The following PLXNB2 variants were observed in gnomAD, a reference collection of about 807,000 sequenced individuals.
PLXNB2 encodes the protein plexin B2, also known as plexin-B2.
A neutral mutation model predicts 202.6 loss-of-function variants in PLXNB2; 85 were observed. The ratio of observed to expected loss-of-function variants is 0.42; its 90% confidence interval spans 0.35 to 0.50. PLXNB2 has a LOEUF of 0.50. PLXNB2 is among the 20% of genes least tolerant of loss of function. The pLI is 0.02. For missense variants in PLXNB2, 2,063 were observed against 2,586.2 expected (o/e 0.80, Z 4.39); for synonymous variants, 1,239 against 1,137.6 (o/e 1.09, Z -1.79).
chr22:50,281,766 G>T, intron 20 of PLXNB2, 24 bp from the exon 21 acceptor site: 3 of 1,563,638 alleles, frequency 1.9e-6, no homozygotes. Context: ...AGTGGTCGGG[G>T]TGAGGAGGAG....
chr22:50,298,639 G>A (rs922411225), intron 1 of PLXNB2, among the ~76,000 whole-genome samples: 2 of 152,178 alleles, frequency 1.3e-5, no homozygotes, highest in South Asian at 4.2e-4. Flanking sequence ...CAAGCAAACA[G>A]ACTGGGCCAT....
At position 50,289,035 on chromosome 22, in the gene PLXNB2, G is replaced by A. The variant is rs779921319; in HGVS notation, c.1176C>T (p.Leu392=). 4 of 1,610,076 alleles carry A rather than the reference G, an allele frequency of 2.5e-6. No individual in the cohort carries two copies. The highest frequency in any genetic ancestry group is 1.7e-4 in the Middle Eastern group (1 of 6,054). Residue 392 remains leucine (L), a synonymous_variant, in exon 4 of 37, where the codon CTC becomes CTT. Coordinates refer to ENST00000359337, the MANE Select transcript of PLXNB2 (RefSeq NM_012401.4). The surrounding 1 kb of genome is among the most constrained non-coding windows in gnomAD (Gnocchi z 8.0). ...TAVLQRGGLN[L]TAVTVAAENN... is the part of the protein sequence containing the mutation. The stretch of plus-strand genomic sequence containing the variant: ...TCTCGGCGGCGACCGTCACGGCCGT[G>A]AGGTTCAGGCCTCCACGCTGCAGCA...
intron 1 of PLXNB2, among the ~76,000 whole-genome samples, chr22:50,298,354 C>G (rs527899571): frequency 6.6e-6 from 1 of 152,178 alleles, no homozygotes; most frequent in African/African-American, 2.4e-5. Flanking sequence ...GTGGCCCTCT[C>G]CTGAGGTCCC....
intron 20 of PLXNB2, 32 bp from the exon 21 acceptor site, chr22:50,281,774 G>A: frequency 6.4e-7 from 1 of 1,565,728 alleles, no homozygotes; most frequent in Non-Finnish European, 8.7e-7. Flanking sequence ...GGGTGAGGAG[G>A]AGGGAACCAG....
At chr22:50,287,858 G>A (rs928506623) in intron 6 of PLXNB2, 65 bp from the exon 7 acceptor site, 18 of 1,594,524 alleles carry the variant, frequency 1.1e-5, no homozygotes, top group Non-Finnish European at 1.4e-5. Context: ...AGGACAGTGC[G>A]ATGTGCCCCC....
chr22:50,286,385 A>T, intron 8 of PLXNB2, 98 bp from the exon 9 acceptor site: 1 of 796,036 alleles, frequency 1.3e-6, no homozygotes, highest in South Asian at 1.5e-5. Flanking sequence ...CAAGGTGGAG[A>T]CCCCTGGTCT....
intron 36 of PLXNB2, 32 bp from the exon 37 acceptor site, chr22:50,275,840 G>A: frequency 1.2e-6 from 2 of 1,607,902 alleles, no homozygotes; most frequent in Non-Finnish European, 8.5e-7. Context: ...GCACACCGGG[G>A]GACCGCCCAG....
rs769297506 is a variant in PLXNB2, at chr22:50,275,642, C to T, written c.*62G>A. ...TCAGCCACAGCCACTCGGCCTCCTC[C>T]CCTGAGGGGCTCTCAGGTACCTCAG... On this transcript the variant is annotated 3_prime_UTR_variant, in exon 37 of 37. Transcript: ENST00000359337. The T allele has an allele frequency of 1.9e-5, 23 of 1,211,332 alleles. No homozygotes were observed. Among genetic ancestry groups the T allele is most frequent in the South Asian group, 8.4e-5 (6 of 71,668 alleles). The allele number at this position is 1,211,332 out of a possible 1,614,324, so 75.0% of individuals were successfully genotyped here. A position where few individuals can be genotyped will look rare whatever the true frequency, so the allele number is the denominator to read the frequency against.
At chr22:50,304,192 C>T (rs142277680) in intron 1 of PLXNB2, among the ~76,000 whole-genome samples, 181 of 152,312 alleles carry the variant, frequency 1.2e-3, no homozygotes, top group Non-Finnish European at 2.2e-3. Context: ...CAGACATCCC[C>T]GGGGGTGGGG....
At position 50,282,699 on chromosome 22, in the gene PLXNB2, C is replaced by T. The variant is rs775826991; in HGVS notation, c.2987+12G>A. 2 of 1,508,818 alleles carry T rather than the reference C, an allele frequency of 1.3e-6. No individual in the cohort carries two copies. Among genetic ancestry groups the T allele is most frequent in the South Asian group, 2.4e-5 (2 of 84,812 alleles). 93.5% of individuals were successfully genotyped at this position (1,508,818 alleles called of 1,614,324 possible). On this transcript the variant is annotated intron_variant, in intron 18 of 36. Transcript: ENST00000359337. ...TGGGGAGCAGAGGGGGGCGGGGGGA[C>T]ACCAGCCTCACCTGGCAAAGCTTCG...
In PLXNB2 at chr22:50,281,990, G is replaced by A. The variant is rs1375773688; in HGVS notation, c.3209C>T (p.Thr1070Met). Reference sequence around the variant, plus strand: ...GTGCCCGTCCATCTCGATCAGCACCGTGAGGTTGTAGGCCTCTGGCTCCTC... The same window carrying A: ...GTGCCCGTCCATCTCGATCAGCACCATGAGGTTGTAGGCCTCTGGCTCCTC... ...VPEEPEAYNLTVLIEMDGHRA... is the reference protein window; with the variant it reads ...VPEEPEAYNLMVLIEMDGHRA... The change falls in exon 20 of 37, where the codon ACG (threonine) becomes ATG (methionine). Residue 1070 changes from threonine (T) to methionine (M), a missense_variant. By Grantham distance (81) the Thr-to-Met change is moderately conservative (BLOSUM62 -1). Transcript: ENST00000359337. The A allele has an allele frequency of 1.2e-5, 20 of 1,612,932 alleles. No individual in the cohort carries two copies. The highest frequency in any genetic ancestry group is 1.7e-5 in the Non-Finnish European group (20 of 1,179,934).
rs1350059142 is a variant in PLXNB2, at chr22:50,275,448, A to C, written c.*256T>G. 4 of 618,716 alleles carry C rather than the reference A, an allele frequency of 6.5e-6. No homozygotes were observed. Among genetic ancestry groups the C allele is most frequent in the Non-Finnish European group, 9.1e-6 (3 of 331,140 alleles). The allele number at this position is 618,716 out of a possible 1,614,324, so 38.3% of individuals were successfully genotyped here. ...ATTTTCAAATCACTGGAGACTCGAC[A>C]GTGAACACCCGATGCTGGTTCTGCG... On this transcript the variant is annotated 3_prime_UTR_variant, in exon 37 of 37. Transcript: ENST00000359337.
rs1264811027 is a variant in PLXNB2 at position 50,286,269 on chromosome 22, A to C, written c.1781T>G (p.Ile594Ser). Residue 594 changes from isoleucine (I) to serine (S), a missense_variant, in exon 9 of 37, where the codon ATC becomes AGC. By Grantham distance (142) the Ile-to-Ser change is moderately radical (BLOSUM62 -2). Coordinates refer to ENST00000359337, the MANE Select transcript of PLXNB2 (RefSeq NM_012401.4). ...PPGQDHVAVT[I>S]QLLLRRGNIF... ...GTTGCCTCGTCTAAGGAGGAGCTGGATGGTCACGGCCACGTGGTCTGCAGA... is the reference window on the plus strand; with the variant it reads ...GTTGCCTCGTCTAAGGAGGAGCTGGCTGGTCACGGCCACGTGGTCTGCAGA... 5.6e-6 allele frequency: 9 copies of C among 1,612,872 alleles called. No individual in the cohort carries two copies. Among genetic ancestry groups the C allele is most frequent in the Non-Finnish European group, 7.6e-6 (9 of 1,179,662 alleles).
chr22:50,286,058 C>T lies in PLXNB2; in HGVS notation c.1918G>A (p.Asp640Asn). ...TCCCGGCACTCGTGGTAGCGCAGGT[C>T]CCACTGGCAGGTCCAGCGGTTGCTC... Reference protein sequence around the residue: ...CVSNRWTCQWDLRYHECREAS... With the variant: ...CVSNRWTCQWNLRYHECREAS... Residue 640 changes from aspartate to asparagine, a missense_variant, in exon 10 of 37, where the codon GAC (aspartate) becomes AAC (asparagine). Around this residue, in one of 2 missense-constraint regions of PLXNB2, gnomAD observed 1,303 missense variants for 1,476.8 expected, o/e 0.88. Transcript: ENST00000359337. 6.2e-7 allele frequency: 1 copy of T among 1,612,468 alleles called. No homozygotes were observed.
chr22:50,279,134 G>C (rs1345347327), intron 27 of PLXNB2, 123 bp from the exon 28 acceptor site: 1 of 1,003,814 alleles, frequency 1.0e-6, no homozygotes, highest in South Asian at 1.7e-5. Context: ...GCAGGCCCCC[G>C]CCAGCCCGGC....
chr22:50,307,249 C>G (rs931848740), intron 1 of PLXNB2, among the ~76,000 whole-genome samples: 2 of 152,150 alleles, frequency 1.3e-5, no homozygotes, highest in Non-Finnish European at 2.9e-5. Context: ...CGGAGCTCGG[C>G]GGCTGAAGAG....
chr22:50,282,435 C>T (rs1014638374), intron 18 of PLXNB2, 122 bp from the exon 19 acceptor site: 15 of 1,115,102 alleles, frequency 1.3e-5, no homozygotes, highest in Non-Finnish European at 1.7e-5. Flanking sequence ...GTGTGGGTCT[C>T]GGTGGGCAAA....
In PLXNB2 at chr22:50,275,125, G is replaced by A. The variant is rs1012458624; in HGVS notation, c.*579C>T. The A allele has an allele frequency of 1.9e-5, 5 of 262,706 alleles. No homozygotes were observed. The highest frequency in any genetic ancestry group is 1.1e-4 in the African/African-American group (5 of 43,658). The allele number at this position is 262,706 out of a possible 1,614,324, so 16.3% of individuals were successfully genotyped here. On this transcript the variant is annotated 3_prime_UTR_variant, in exon 37 of 37. Transcript: ENST00000359337. ...ACAGACCAGGACCCCAGGATGTCTGGGCCCCGACGTAGGACTTGACCTACG... is the reference window on the plus strand; with the variant it reads ...ACAGACCAGGACCCCAGGATGTCTGAGCCCCGACGTAGGACTTGACCTACG...
At chr22:50,283,232 G>A (rs369411745) in intron 16 of PLXNB2, 46 bp from the exon 17 acceptor site, 41 of 1,598,970 alleles carry the variant, frequency 2.6e-5, no homozygotes, top group African/African-American at 4.0e-5. Flanking sequence ...GGCACAGGAC[G>A]CCCTCGGTCC....
Sources: allele counts gnomAD v4.1 joint callset (sites outside exome capture counted in the v4.1 genomes callset), GRCh38; gene constraint gnomAD v4.1.1; regional missense constraint gnomAD v4.1.1; non-coding constraint Gnocchi (gnomAD v3.1); transcripts MANE v1.5; gene names NCBI Gene and HGNC (gene_info 2026-07-23, HGNC 2026-07-21).